CTIF: variants seen among roughly 807,000 people sequenced by gnomAD.
CTIF encodes cap binding complex dependent translation initiation factor, also known as CBP80/20-dependent translation initiation factor.
A neutral mutation model predicts 66.0 loss-of-function variants in CTIF; 21 were observed. The observed-to-expected ratio is 0.32, with a 90% confidence interval of 0.23 to 0.46. CTIF has a LOEUF of 0.46. Ranked by LOEUF, CTIF falls within the 20% of genes least tolerant of loss-of-function variation. The pLI is 1.00. For synonymous variants in CTIF, 345 were observed against 326.4 expected, an observed-to-expected ratio of 1.06 and a Z score of -0.62; for missense variants, 739 against 812.7, an observed-to-expected ratio of 0.91 and a Z score of 1.10.
chr18:48,598,758 G>C (rs950376694), intron 1 of CTIF, among the ~76,000 whole-genome samples: 1 of 152,202 alleles, frequency 6.6e-6, no homozygotes, highest in African/African-American at 2.4e-5. Flanking sequence ...AAGGACATCA[G>C]CATTTCTTGA....
intron 3 of CTIF, among the ~76,000 whole-genome samples, chr18:48,657,535 G>A (rs2091264062): frequency 6.6e-6 from 1 of 152,126 alleles, no homozygotes; most frequent in Admixed American, 6.5e-5. Context: ...TTAGAGCCAG[G>A]GGATTGGTGC....
intron 1 of CTIF, among the ~76,000 whole-genome samples, chr18:48,576,143 C>T (rs2089526075): frequency 6.6e-6 from 1 of 152,242 alleles, no homozygotes; most frequent in Admixed American, 6.5e-5. Context: ...CGAGAGGCGC[C>T]GAGGATGGGG....
intron 10 of CTIF, among the ~76,000 whole-genome samples, chr18:48,849,560 A>G (rs2069152806): frequency 6.9e-6 from 1 of 143,892 alleles, no homozygotes. Flanking sequence ...ATATAACATT[A>G]TGTAAAGCTT....
intron 1 of CTIF, among the ~76,000 whole-genome samples, chr18:48,578,626 G>A (rs1018486287): frequency 1.3e-5 from 2 of 152,180 alleles, no homozygotes; most frequent in Non-Finnish European, 2.9e-5. Context: ...CTCAGGTTTA[G>A]ATGTTTATCC....
chr18:48,610,853 G>A (rs2090295055), intron 1 of CTIF, among the ~76,000 whole-genome samples: 1 of 152,220 alleles, frequency 6.6e-6, no homozygotes, highest in South Asian at 2.1e-4. Context: ...TGCACAGGGT[G>A]GGGGCTCAGG....
intron 6 of CTIF, among the ~76,000 whole-genome samples, chr18:48,708,813 T>C (rs1223167510): frequency 6.6e-6 from 1 of 152,222 alleles, no homozygotes; most frequent in Non-Finnish European, 1.5e-5. Context: ...AGATTCTGTC[T>C]TCCTTCCATG....
intron 10 of CTIF, among the ~76,000 whole-genome samples, chr18:48,823,887 A>G (rs1345661953): frequency 6.6e-6 from 1 of 152,130 alleles, no homozygotes; most frequent in Non-Finnish European, 1.5e-5. Context: ...AAGAAAAGGA[A>G]ATAAAAAGCA....
chr18:48,611,185 G>A (rs2090301818), intron 1 of CTIF, among the ~76,000 whole-genome samples: 1 of 152,248 alleles, frequency 6.6e-6, no homozygotes, highest in Non-Finnish European at 1.5e-5. Flanking sequence ...AAGAGCTGTT[G>A]AGGGCAGGCA....
chr18:48,844,506 G>C (rs1486136156), intron 10 of CTIF, among the ~76,000 whole-genome samples: 1 of 152,224 alleles, frequency 6.6e-6, no homozygotes. Flanking sequence ...ACTTTGTACG[G>C]GGTGGTTTGC....
At chr18:48,735,930 G>C (rs1210056348) in intron 7 of CTIF, among the ~76,000 whole-genome samples, 1 of 152,154 alleles carries the variant, frequency 6.6e-6, no homozygotes, top group Non-Finnish European at 1.5e-5. Flanking sequence ...TTGTGATCCT[G>C]TATGTCATGG....
At chr18:48,679,483 G>A (rs748622440) in intron 6 of CTIF, among the ~76,000 whole-genome samples, 2 of 152,196 alleles carry the variant, frequency 1.3e-5, no homozygotes, top group South Asian at 2.1e-4. Flanking sequence ...GTTTCTTGGC[G>A]GGTGGGAGAT....
At chr18:48,628,449 T>C (rs2090641955) in intron 2 of CTIF, among the ~76,000 whole-genome samples, 1 of 152,176 alleles carries the variant, frequency 6.6e-6, no homozygotes. Flanking sequence ...ACTCATTTAG[T>C]CTTGAAGATG....
chr18:48,594,127 T>C (rs1311622185), intron 1 of CTIF, among the ~76,000 whole-genome samples: 1 of 148,748 alleles, frequency 6.7e-6, no homozygotes, highest in Non-Finnish European at 1.5e-5. Flanking sequence ...TTTGGTGTCG[T>C]GAACTGTGGC....
At chr18:48,676,448 A>G (rs529203997) in intron 6 of CTIF, among the ~76,000 whole-genome samples, 9 of 152,282 alleles carry the variant, frequency 5.9e-5, no homozygotes, top group African/African-American at 2.2e-4. Flanking sequence ...TCTCTTAGGA[A>G]ATTTTGAAAC....
At chr18:48,707,316 A>G (rs1228617978) in intron 6 of CTIF, among the ~76,000 whole-genome samples, 4 of 152,184 alleles carry the variant, frequency 2.6e-5, no homozygotes, top group African/African-American at 4.8e-5. Flanking sequence ...CCAGAATACT[A>G]TCTCCCCTGG....
chr18:48,582,628 C>A (rs959234333), intron 1 of CTIF, among the ~76,000 whole-genome samples: 2 of 152,106 alleles, frequency 1.3e-5, no homozygotes, highest in Non-Finnish European at 2.9e-5. Context: ...TTCCTGGCTT[C>A]CCTGCTAGCA....
At chr18:48,571,254 T>C (rs566814026) in intron 1 of CTIF, among the ~76,000 whole-genome samples, 1 of 152,216 alleles carries the variant, frequency 6.6e-6, no homozygotes, top group African/African-American at 2.4e-5. Context: ...CCTCCCAGGT[T>C]CAAGCAATTC....
At chr18:48,741,564 A>G in intron 7 of CTIF, among the ~76,000 whole-genome samples, 1 of 151,784 alleles carries the variant, frequency 6.6e-6, no homozygotes, top group Non-Finnish European at 1.5e-5. Flanking sequence ...CTGGGATTAC[A>G]GGCATATACC....
At chr18:48,853,825 G>A (rs1360507713) in intron 10 of CTIF, among the ~76,000 whole-genome samples, 1 of 152,222 alleles carries the variant, frequency 6.6e-6, no homozygotes, top group Non-Finnish European at 1.5e-5. Flanking sequence ...CAGGAGACAG[G>A]AAGAATTAAG....
Sources: allele counts gnomAD v4.1 joint callset (sites outside exome capture counted in the v4.1 genomes callset), GRCh38; gene constraint gnomAD v4.1.1; transcripts MANE v1.5; gene names NCBI Gene and HGNC (gene_info 2026-07-23, HGNC 2026-07-21).